The following ZNF217 variants were observed in gnomAD, a reference collection of about 807,000 sequenced individuals.
ZNF217 encodes the protein zinc finger protein 217.
A neutral mutation model predicts 73.3 loss-of-function variants in ZNF217; 12 were observed. The ratio of observed to expected loss-of-function variants is 0.16; its 90% CI spans 0.10 to 0.27. The LOEUF (loss-of-function observed/expected upper bound fraction) is 0.27. ZNF217 is among the 10% of genes least tolerant of loss of function. The pLI is 1.00. For missense variants in ZNF217, 1,195 were observed against 1,327.8 expected (o/e 0.90, Z 1.55); for synonymous variants, 588 against 516.4 (o/e 1.14, Z -1.88).
intron 4 of ZNF217, 93 bp from the exon 5 acceptor site, chr20:53,571,946 C>A: frequency 7.6e-7 from 1 of 1,318,722 alleles, no homozygotes; most frequent in Non-Finnish European, 1.0e-6. Flanking sequence ...AAATTTCTGA[C>A]ACTGATAATG....
intron 5 of ZNF217, among the ~76,000 whole-genome samples, chr20:53,569,979 T>C (rs1600708520): frequency 6.6e-6 from 1 of 151,784 alleles, no homozygotes; most frequent in Non-Finnish European, 1.5e-5. Flanking sequence ...GTCCAGAGGA[T>C]GAGAAAGAAG....
Position 53,582,985 on chromosome 20 carries a change from C to CT in ZNF217, c.-160dup, listed in dbSNP as rs1988566808. 3 of 724,652 alleles carry CT rather than the reference C, an allele frequency of 4.1e-6. No individual in the cohort carries two copies. The highest frequency in any genetic ancestry group is 1.8e-5 in the African/African-American group (1 of 56,044). The allele number at this position is 724,652 out of a possible 1,614,324, so 44.9% of individuals were successfully genotyped here. A position where few individuals can be genotyped will look rare whatever the true frequency, so the allele number is the denominator to read the frequency against. On this transcript the variant is annotated 5_prime_UTR_variant, in exon 2 of 6. The change abolishes the stop of an existing upstream ORF in the 5' untranslated region. Transcript: ENST00000371471. The surrounding 1 kb of genome is among the most constrained non-coding windows in gnomAD (Gnocchi z 4.8). Reference sequence around the variant, plus strand: ...TGTATAGTCCTCTAACTTCTTCGAACTTTTAGGAAGCTCAGTGATGGTGTC... The same window carrying CT: ...TGTATAGTCCTCTAACTTCTTCGAACTTTTTAGGAAGCTCAGTGATGGTGTC...
At chr20:53,574,681 G>A (rs1039370979) in intron 4 of ZNF217, 2 of 151,852 alleles carry the variant, frequency 1.3e-5, no homozygotes, top group African/African-American at 4.8e-5. Flanking sequence ...TATTACCCCA[G>A]CTACTCAGGA....
rs1451759263 is a variant in ZNF217 at position 53,581,107 on chromosome 20, T to C, written c.1366+354A>G. Among the ~76,000 whole-genome samples the C allele has an allele frequency of 6.6e-6, 1 of 152,058 alleles. No homozygotes were observed. Among genetic ancestry groups the C allele is most frequent in the African/African-American group, 2.4e-5 (1 of 41,408 alleles). On this transcript the variant is annotated intron_variant, in intron 2 of 5. Transcript: ENST00000371471. The surrounding 1 kb of genome is among the most constrained non-coding windows in gnomAD (Gnocchi z 4.9). ...GCCTCCAGACATTGCCAGATACTGATTGGGAACAAAATCGCCCCAGTTAAG... is the reference window on the plus strand; with the variant it reads ...GCCTCCAGACATTGCCAGATACTGACTGGGAACAAAATCGCCCCAGTTAAG...
chr20:53,583,234 T>C (rs1389799736), intron 1 of ZNF217, 66 bp from the exon 2 acceptor site: 1 of 403,356 alleles, frequency 2.5e-6, no homozygotes, highest in African/African-American at 2.1e-5. Context: ...TGTGGGTGAG[T>C]CATACGGTCT....
In ZNF217 at chr20:53,582,669, T is replaced by C; in HGVS notation, c.158A>G (p.Glu53Gly). The C allele has an allele frequency of 6.2e-7, 1 of 1,614,156 alleles. No individual in the cohort carries two copies. Among genetic ancestry groups the C allele is most frequent in the Non-Finnish European group, 8.5e-7 (1 of 1,180,008 alleles). The change falls in exon 2 of 6, where the codon GAA becomes GGA. Residue 53 changes from glutamate (E) to glycine (G), a missense_variant. Coordinates refer to ENST00000371471, the MANE Select transcript of ZNF217 (RefSeq NM_006526.3). The surrounding 1 kb of genome is among the most constrained non-coding windows in gnomAD (Gnocchi z 4.8). The part of the protein sequence containing the change: ...TAVVPFRATQ[E>G]KNVIQIEGYM... ...CCCCTCGATTTGGATGACATTTTTT[T>C]CTTGTGTAGCTCGGAATGGAACAAC...
chr20:53,593,682 G>C (rs1226287674), intron 1 of ZNF217, 74 bp downstream of exon 1: 3 of 151,140 alleles, frequency 2.0e-5, no homozygotes, highest in South Asian at 2.1e-4. Flanking sequence ...GGGCGCCTCG[G>C]GGGCGGCGCG....
In ZNF217 at chr20:53,576,109, G is replaced by T; in HGVS notation, c.2655C>A (p.Pro885=). 1 of 1,614,192 alleles carries T rather than the reference G, an allele frequency of 6.2e-7. No homozygotes were observed. The highest frequency in any genetic ancestry group is 8.5e-7 in the Non-Finnish European group (1 of 1,180,032). Residue 885 remains proline, a synonymous_variant, in exon 4 of 6, where the codon CCC becomes CCA. Coordinates refer to ENST00000371471, the MANE Select transcript of ZNF217 (RefSeq NM_006526.3). ...SSNINGSIDY[P]AKNDSPWAPP... is the part of the protein sequence containing the mutation. ...GTGCCCACGGGCTGTCGTTCTTGGCGGGGTAGTCGATGGAACCATTGATGT... is the reference window on the plus strand; with the variant it reads ...GTGCCCACGGGCTGTCGTTCTTGGCTGGGTAGTCGATGGAACCATTGATGT...
intron 2 of ZNF217, among the ~76,000 whole-genome samples, chr20:53,580,306 C>T (rs1207974409): frequency 3.3e-5 from 5 of 152,138 alleles, no homozygotes; most frequent in East Asian, 1.9e-4. Flanking sequence ...CCCAGTTTTC[C>T]GAAGAATTCA....
intron 5 of ZNF217, among the ~76,000 whole-genome samples, chr20:53,570,930 C>T (rs781417477): frequency 2.6e-5 from 4 of 152,214 alleles, no homozygotes; most frequent in Non-Finnish European, 5.9e-5. Context: ...AAAGCATGCA[C>T]AGTACCTCCT....
At chr20:53,593,183 C>A (rs1357835592) in intron 1 of ZNF217, among the ~76,000 whole-genome samples, 2 of 152,054 alleles carry the variant, frequency 1.3e-5, no homozygotes, top group Admixed American at 6.5e-5. Context: ...CGGCGAGGCC[C>A]AGCCCCTCCC....
At position 53,581,991 on chromosome 20, in the gene ZNF217, G is replaced by A. The variant is rs755600550; in HGVS notation, c.836C>T (p.Thr279Met). 48 of 1,614,068 alleles carry A rather than the reference G, an allele frequency of 3.0e-5. No homozygotes were observed. The highest frequency in any genetic ancestry group is 4.5e-5 in the East Asian group (2 of 44,892). ...FNLRPKSHPETGKKPVRCIPQ... is the reference protein window; with the variant it reads ...FNLRPKSHPEMGKKPVRCIPQ... ...GATGCATCTGACAGGCTTCTTCCCC[G>A]TTTCAGGGTGAGATTTTGGTCTCAA... The change falls in exon 2 of 6, where the codon ACG becomes ATG. Residue 279 changes from threonine to methionine, a missense_variant. Coordinates refer to ENST00000371471, the MANE Select transcript of ZNF217 (RefSeq NM_006526.3). This position sits in a 1 kb window ranked among gnomAD's most constrained non-coding sequence, Gnocchi z 4.9.
intron 3 of ZNF217, 81 bp from the exon 4 acceptor site, chr20:53,577,361 AG>A: frequency 7.8e-7 from 1 of 1,287,708 alleles, no homozygotes; most frequent in Non-Finnish European, 1.0e-6. Flanking sequence ...TTAAGAAAAC[AG>A]GCTTCTTTCC....
rs774357127 is a variant in ZNF217, at chr20:53,582,047, G to A, written c.780C>T (p.Ser260=). The A allele has an allele frequency of 1.9e-6, 3 of 1,614,234 alleles. No individual in the cohort carries two copies. Among genetic ancestry groups the A allele is most frequent in the East Asian group, 2.2e-5 (1 of 44,888 alleles). The stretch of plus-strand genomic sequence containing the variant: ...ACAACTGCAGGAAGTCCTCCCTCGA[G>A]GACGGCATTCCTCCTTGTGGAGAGT... ...QTDSPQGGMP[S]SREDFLQLFN... is the part of the protein sequence containing the mutation. Residue 260 remains serine (S), a synonymous_variant, in exon 2 of 6, where the codon TCC becomes TCT. Coordinates refer to ENST00000371471, the MANE Select transcript of ZNF217 (RefSeq NM_006526.3). The surrounding 1 kb of genome is among the most constrained non-coding windows in gnomAD (Gnocchi z 4.8).
Position 53,569,066 on chromosome 20 carries a change from G to C in ZNF217, c.*222C>G. 8.5e-7 allele frequency: 1 copy of C among 1,177,916 alleles called. No homozygotes were observed. Among genetic ancestry groups the C allele is most frequent in the Non-Finnish European group, 1.1e-6 (1 of 922,274 alleles). 73.0% of individuals were successfully genotyped at this position (1,177,916 alleles called of 1,614,324 possible). On this transcript the variant is annotated 3_prime_UTR_variant, in exon 6 of 6. Coordinates refer to ENST00000371471, the MANE Select transcript of ZNF217 (RefSeq NM_006526.3). ...GTCCCCATGTATGTAAGTTCCAACT[G>C]TTCCAACTAGTTTGTATTGCTATTT...
At chr20:53,592,705 G>A (rs1281096735) in intron 1 of ZNF217, among the ~76,000 whole-genome samples, 9 of 151,844 alleles carry the variant, frequency 5.9e-5, no homozygotes, top group Admixed American at 5.9e-4. Context: ...AGCCTCCCGG[G>A]CCCCCAGCAG....
At chr20:53,594,004 G>A (rs1054426491), upstream of ZNF217, among the ~76,000 whole-genome samples, 7 of 151,340 alleles carry the variant, frequency 4.6e-5, no homozygotes, top group Non-Finnish European at 1.0e-4. Context: ...GCAGCCATCC[G>A]CCGAGGAGCC....
Position 53,575,927 on chromosome 20 carries a change from T to C in ZNF217, c.2837A>G (p.His946Arg), listed in dbSNP as rs772890746. The C allele has an allele frequency of 2.5e-5, 40 of 1,614,160 alleles. No individual in the cohort carries two copies. The highest frequency in any genetic ancestry group is 2.9e-5 in the Non-Finnish European group (34 of 1,180,038). Reference sequence around the variant, plus strand: ...CAGTGATGTGATGCCTCTGACCATATGGTACTTGGGAAGGTCATAGCCTCT... The same window carrying C: ...CAGTGATGTGATGCCTCTGACCATACGGTACTTGGGAAGGTCATAGCCTCT... ...YRRGYDLPKY[H>R]MVRGITSLLP... The change falls in exon 4 of 6, where the codon CAT becomes CGT. Residue 946 changes from histidine (H) to arginine (R), a missense_variant. Coordinates refer to ENST00000371471, the MANE Select transcript of ZNF217 (RefSeq NM_006526.3).
chr20:53,593,400 G>A (rs1490808760), intron 1 of ZNF217, among the ~76,000 whole-genome samples: 2 of 152,012 alleles, frequency 1.3e-5, no homozygotes, highest in South Asian at 2.1e-4. Flanking sequence ...CCCGCCCCGC[G>A]GGGCGACCCA....
Sources: gnomAD v4.1 joint callset for allele counts (sites outside exome capture counted in the v4.1 genomes callset) on GRCh38, gnomAD v4.1.1 for gene constraint, Gnocchi (gnomAD v3.1) non-coding constraint, MANE v1.5 for transcripts, NCBI Gene and HGNC (gene_info 2026-07-23, HGNC 2026-07-21) for gene names.